The following SAMD12 variants were observed in gnomAD, a reference collection of about 807,000 sequenced individuals.
The protein encoded by SAMD12 is sterile alpha motif domain-containing protein 12.
In SAMD12, 9 loss-of-function variants were observed where a neutral mutation model predicts 15.0. That is an observed-to-expected ratio of 0.60 (90% CI 0.36 to 1.05). The LOEUF is 1.05. SAMD12 is among the 50% of genes least tolerant of loss of function. The pLI is 0.01. For missense variants in SAMD12, 230 were observed against 234.2 expected, an observed-to-expected ratio of 0.98 and a Z score of 0.12; for synonymous variants, 86 against 90.1, an observed-to-expected ratio of 0.96 and a Z score of 0.25.
At chr8:118,620,590 G>A (rs955090999) in intron 1 of SAMD12, among the ~76,000 whole-genome samples, 1 of 152,116 alleles carries the variant, frequency 6.6e-6, no homozygotes, top group Non-Finnish European at 1.5e-5. Context: ...AGTTTCCCGA[G>A]TTTATGGGTG....
In SAMD12 at chr8:118,580,722, G is replaced by T. The variant is rs146896986; in HGVS notation, c.185C>A (p.Thr62Lys). The T allele has an allele frequency of 6.2e-7, 1 of 1,611,904 alleles. No individual in the cohort carries two copies. The highest frequency in any genetic ancestry group is 8.5e-7 in the Non-Finnish European group (1 of 1,178,406). ...TPKRLQAEAETAKSATVKLSK... is the reference protein window; with the variant it reads ...TPKRLQAEAEKAKSATVKLSK... The stretch of plus-strand genomic sequence containing the variant: ...AACTGGAATATTACGCACCTTAGCC[G>T]TCTCAGCTTCTGCCTGCAGTCGCTT... The change falls in exon 2 of 4, where the codon ACG (threonine) becomes AAG (lysine). Residue 62 changes from threonine (T) to lysine (K), a missense_variant. Coordinates refer to ENST00000314727, the MANE Select transcript of SAMD12 (RefSeq NM_207506.3).
intron 4 of SAMD12, among the ~76,000 whole-genome samples, chr8:118,292,349 G>GACACACAGACAC (rs111807707): frequency 2.2e-5 from 3 of 137,718 alleles, no homozygotes; most frequent in African/African-American, 8.3e-5. Flanking sequence ...CAAACACACA[G>GACACACAGACAC]ACACACACAC....
At chr8:118,552,362 G>C (rs368296762) in intron 2 of SAMD12, among the ~76,000 whole-genome samples, 1 of 152,080 alleles carries the variant, frequency 6.6e-6, no homozygotes, top group Non-Finnish European at 1.5e-5. Flanking sequence ...GGGATGCAAG[G>C]CTGGTTCAAT....
the SAMD12 span, among the ~76,000 whole-genome samples, chr8:118,144,405 A>T: frequency 6.6e-6 from 1 of 152,128 alleles, no homozygotes; most frequent in Non-Finnish European, 1.5e-5. Context: ...GAGAGAGTTC[A>T]TGGGGGCCAT....
chr8:118,512,035 A>G (rs1456667066), intron 2 of SAMD12, among the ~76,000 whole-genome samples: 1 of 146,258 alleles, frequency 6.8e-6, no homozygotes, highest in East Asian at 1.9e-4. Flanking sequence ...CTGGAGCACT[A>G]TAAAGAACAT....
chr8:118,197,598 C>T, exon 5 of SAMD12: 2 of 931,426 alleles, frequency 2.1e-6, no homozygotes, highest in South Asian at 2.6e-5. Context: ...TCCAGTTAAT[C>T]TGTCCACGAT....
At chr8:118,611,691 ATGT>A (rs1361521802) in intron 1 of SAMD12, among the ~76,000 whole-genome samples, 3 of 152,192 alleles carry the variant, frequency 2.0e-5, no homozygotes, top group African/African-American at 7.2e-5. Context: ...CTCAACTGAA[ATGT>A]TCACATTTCC....
intron 2 of SAMD12, among the ~76,000 whole-genome samples, chr8:118,579,911 T>G (rs997337395): frequency 6.6e-6 from 1 of 152,146 alleles, no homozygotes; most frequent in African/African-American, 2.4e-5. Context: ...AATATCCAGA[T>G]AGTGCCAGTC....
intron 4 of SAMD12, among the ~76,000 whole-genome samples, chr8:118,318,701 C>G (rs1816074328): frequency 6.6e-6 from 1 of 151,888 alleles, no homozygotes; most frequent in Non-Finnish European, 1.5e-5. Flanking sequence ...CTTGTATTCC[C>G]AAAGCTATTG....
intron 2 of SAMD12, among the ~76,000 whole-genome samples, chr8:118,543,528 G>A (rs1826039808): frequency 6.6e-6 from 1 of 152,014 alleles, no homozygotes; most frequent in African/African-American, 2.4e-5. Context: ...TGTCCAATCC[G>A]CGGCCTGCAT....
chr8:118,405,192 C>T (rs1360956091), intron 3 of SAMD12, among the ~76,000 whole-genome samples: 2 of 152,116 alleles, frequency 1.3e-5, no homozygotes, highest in African/African-American at 4.8e-5. Flanking sequence ...TTTGGAGTAT[C>T]TATTAAGCTA....
intron 3 of SAMD12, among the ~76,000 whole-genome samples, chr8:118,417,046 T>C (rs1422597001): frequency 6.6e-6 from 1 of 152,102 alleles, no homozygotes; most frequent in Non-Finnish European, 1.5e-5. Context: ...ACACATGTGT[T>C]TGTGCTAAAG....
intron 4 of SAMD12, among the ~76,000 whole-genome samples, chr8:118,285,301 G>A (rs564664892): frequency 1.3e-5 from 2 of 152,212 alleles, no homozygotes; most frequent in South Asian, 2.1e-4. Flanking sequence ...TTCCGTGAGA[G>A]ATCCAATAGT....
At position 118,530,329 on chromosome 8, in the gene SAMD12, A is replaced by G. The variant is rs575015507; in HGVS notation, c.192+50386T>C. 2.6e-5 allele frequency among the ~76,000 whole-genome samples: 4 copies of G among 152,280 alleles called. No individual in the cohort carries two copies. The East Asian group carries it at 7.7e-4, about 29-fold the overall frequency. Reference sequence around the variant, plus strand: ...TAATTTTGTCACTGAGGTAATCAGCATAATATCTGATAGGTAGTTTTTAAA... The same window carrying G: ...TAATTTTGTCACTGAGGTAATCAGCGTAATATCTGATAGGTAGTTTTTAAA... On this transcript the variant is annotated intron_variant, in intron 2 of 3. Transcript: ENST00000314727.
the SAMD12 span, among the ~76,000 whole-genome samples, chr8:118,166,669 A>G: frequency 6.6e-6 from 1 of 152,192 alleles, no homozygotes; most frequent in African/African-American, 2.4e-5. Context: ...GCTCAGGAAA[A>G]AGTTCATTTT....
intron 2 of SAMD12, among the ~76,000 whole-genome samples, chr8:118,561,540 G>A (rs927359780): frequency 6.6e-6 from 1 of 152,304 alleles, no homozygotes; most frequent in Admixed American, 6.5e-5. Context: ...GGTGGAAGGG[G>A]AAGAAAACAT....
chr8:118,453,954 C>T (rs1823161446), intron 2 of SAMD12, among the ~76,000 whole-genome samples: 1 of 152,120 alleles, frequency 6.6e-6, no homozygotes, highest in South Asian at 2.1e-4. Flanking sequence ...GTTCTCTTTA[C>T]CCCAGATTAC....
At chr8:118,374,147 C>T (rs1819254982), downstream of SAMD12, among the ~76,000 whole-genome samples, 1 of 152,040 alleles carries the variant, frequency 6.6e-6, no homozygotes, top group African/African-American at 2.4e-5. Context: ...AACACAAATT[C>T]CTCCTCCTCC....
chr8:118,486,019 G>A (rs79641765), intron 2 of SAMD12, among the ~76,000 whole-genome samples: 4,618 of 152,206 alleles, frequency 0.03, 223 homozygotes, highest in African/African-American at 0.1. Context: ...TTCTAACCTG[G>A]GAATGTTACT....
Sources: allele counts gnomAD v4.1 joint callset (sites outside exome capture counted in the v4.1 genomes callset), GRCh38; gene constraint gnomAD v4.1.1; transcripts MANE v1.5; gene names NCBI Gene and HGNC (gene_info 2026-07-23, HGNC 2026-07-21).